The following EPM2A variants were observed in gnomAD, a reference collection of about 807,000 sequenced individuals.
EPM2A encodes the protein laforin.
In EPM2A, 21 loss-of-function variants were observed where a neutral mutation model predicts 26.5. The ratio of observed to expected loss-of-function variants is 0.79; its 90% confidence interval spans 0.56 to 1.14. The LOEUF (loss-of-function observed/expected upper bound fraction) is 1.14, where lower values mean the gene tolerates loss of function less well. Ranked by LOEUF, EPM2A falls within the 50% of genes most tolerant of loss-of-function variation. The pLI, the probability that EPM2A is intolerant of heterozygous loss-of-function variation, is 0.00. For missense variants in EPM2A, 458 were observed against 440.8 expected (o/e 1.04, Z -0.35); for synonymous variants, 217 against 177.6 (o/e 1.22, Z -1.76).
At chr6:145,646,438 A>G (rs1217301356) in intron 2 of EPM2A, among the ~76,000 whole-genome samples, 1 of 151,966 alleles carries the variant, frequency 6.6e-6, no homozygotes, top group African/African-American at 2.4e-5. Context: ...GGCCTCCCAA[A>G]GTGCTGGGAT....
intron 4 of EPM2A, among the ~76,000 whole-genome samples, chr6:145,423,150 A>G (rs1237166750): frequency 6.6e-6 from 1 of 151,948 alleles, no homozygotes; most frequent in Admixed American, 6.6e-5. Context: ...TTTCTTCTCT[A>G]CTTCTCCATA....
intron 4 of EPM2A, among the ~76,000 whole-genome samples, chr6:145,470,480 T>A (rs2114724711): frequency 6.6e-6 from 1 of 152,342 alleles, no homozygotes; most frequent in African/African-American, 2.4e-5. Flanking sequence ...TTATATGCAC[T>A]GCTTTTTAAT....
At chr6:145,632,183 C>G (rs553469974) in intron 3 of EPM2A, 9 of 152,224 alleles carry the variant, frequency 5.9e-5, no homozygotes, top group Admixed American at 5.2e-4. Flanking sequence ...CTCCCAGCTA[C>G]CCAGTGGTGA....
At chr6:145,514,149 T>G (rs1235067578) in intron 2 of EPM2A, among the ~76,000 whole-genome samples, 1 of 152,168 alleles carries the variant, frequency 6.6e-6, no homozygotes, top group Admixed American at 6.5e-5. Context: ...GCAAGGAGTC[T>G]AAAAAATGTA....
intron 2 of EPM2A, chr6:145,640,756 AT>A (rs1461230372): frequency 1.3e-5 from 2 of 152,184 alleles, no homozygotes; most frequent in Admixed American, 1.3e-4. Context: ...CAAGAGAAAC[AT>A]TAAAATCAAC....
At chr6:145,579,006 TG>T (rs1365093811) in intron 2 of EPM2A, among the ~76,000 whole-genome samples, 1 of 148,920 alleles carries the variant, frequency 6.7e-6, no homozygotes, top group Non-Finnish European at 1.5e-5. Context: ...TGTGGTGGGG[TG>T]GGGGGAATGG....
intron 4 of EPM2A, among the ~76,000 whole-genome samples, chr6:145,410,413 G>T (rs1399460652): frequency 1.3e-5 from 2 of 152,180 alleles, no homozygotes; most frequent in African/African-American, 4.8e-5. Context: ...TTGGGAATTA[G>T]AGTTTAATCC....
chr6:145,505,428 T>A (rs1271710503), intron 2 of EPM2A, among the ~76,000 whole-genome samples: 2 of 152,068 alleles, frequency 1.3e-5, no homozygotes, highest in Non-Finnish European at 2.9e-5. Context: ...TATATATACG[T>A]ACAATTTTTT....
chr6:145,657,258 T>C (rs1448663229), intron 2 of EPM2A, among the ~76,000 whole-genome samples: 1 of 151,890 alleles, frequency 6.6e-6, no homozygotes, highest in African/African-American at 2.4e-5. Context: ...CCTGGCTAAT[T>C]TTTGTATTTT....
chr6:145,553,211 T>C (rs142102312), intron 2 of EPM2A, among the ~76,000 whole-genome samples: 416 of 152,228 alleles, frequency 2.7e-3, no homozygotes, highest in African/African-American at 9.0e-3. Context: ...CCTTCCACCA[T>C]GATTGTAAGT....
At chr6:145,682,396 C>T (rs912119260) in intron 2 of EPM2A, 2 of 152,162 alleles carry the variant, frequency 1.3e-5, no homozygotes, top group Admixed American at 1.3e-4. Context: ...AACCATATCG[C>T]TATTCTTCTT....
intron 4 of EPM2A, among the ~76,000 whole-genome samples, chr6:145,458,408 C>A (rs551831535): frequency 1.3e-5 from 2 of 152,312 alleles, no homozygotes; most frequent in South Asian, 4.1e-4. Flanking sequence ...GGCTCACAGG[C>A]AGAGAACAAC....
At position 145,635,254 on chromosome 6, in the gene EPM2A, T is replaced by G. The variant is rs1776559778; in HGVS notation, c.709A>C (p.Ser237Arg). 6.2e-7 allele frequency: 1 copy of G among 1,614,084 alleles called. No homozygotes were observed. ...AYIWMPTPDM[S>R]TEGRVQMLPQ... ...CAGTTCTGATCCTTACCTTCGGTGC[T>G]CATATCTGGTGTTGGCATCCAGATG... Residue 237 changes from serine (S) to arginine (R), a missense_variant, in exon 3 of 4, where the codon AGC (serine) becomes CGC (arginine). By Grantham distance (110) the Ser-to-Arg change is moderately radical. Transcript: ENST00000367519.
chr6:145,652,199 G>A (rs1372714787), intron 2 of EPM2A, among the ~76,000 whole-genome samples: 2 of 152,130 alleles, frequency 1.3e-5, no homozygotes, highest in East Asian at 3.8e-4. Context: ...GCATTCTTAA[G>A]TTAAACATTA....
chr6:145,654,306 C>A (rs1196960600), intron 2 of EPM2A, among the ~76,000 whole-genome samples: 1 of 152,032 alleles, frequency 6.6e-6, no homozygotes, highest in African/African-American at 2.4e-5. Flanking sequence ...CTCAGCCTCC[C>A]AAGTAGCTGG....
chr6:145,605,307 GC>G (rs1189523921), intron 2 of EPM2A, among the ~76,000 whole-genome samples: 1 of 151,988 alleles, frequency 6.6e-6, no homozygotes, highest in Non-Finnish European at 1.5e-5. Context: ...GCATCCTTTG[GC>G]TTAGCATGTT....
At chr6:145,508,610 T>A (rs1562363117) in intron 2 of EPM2A, among the ~76,000 whole-genome samples, 1 of 151,732 alleles carries the variant, frequency 6.6e-6, no homozygotes, top group African/African-American at 2.4e-5. Flanking sequence ...CAATAGCAAA[T>A]TAAAAAGAAA....
intron 2 of EPM2A, among the ~76,000 whole-genome samples, chr6:145,550,981 C>G (rs895933996): frequency 1.3e-5 from 2 of 151,870 alleles, no homozygotes; most frequent in African/African-American, 4.8e-5. Flanking sequence ...TGCTCCTAAC[C>G]CCCACATTAA....
At chr6:145,719,625 T>TAATAAATA (rs535491917) in intron 1 of EPM2A, among the ~76,000 whole-genome samples, 1 of 152,054 alleles carries the variant, frequency 6.6e-6, no homozygotes, top group Non-Finnish European at 1.5e-5. Context: ...AGTATAATAA[T>TAATAAATA]AATAAATAAA....
Sources: allele counts gnomAD v4.1 joint callset (sites outside exome capture counted in the v4.1 genomes callset), GRCh38; gene constraint gnomAD v4.1.1; transcripts MANE v1.5; gene names NCBI Gene and HGNC (gene_info 2026-07-23, HGNC 2026-07-21).